Variants in ACTL6B observed in about 807,000 individuals in gnomAD.
The protein encoded by ACTL6B is actin-like protein 6B.
ACTL6B carries 48 observed loss-of-function variants against 63.3 expected under a neutral mutation model. The observed-to-expected ratio is 0.76, with a 90% CI of 0.60 to 0.96. ACTL6B has a LOEUF of 0.96. ACTL6B is among the 50% of genes least tolerant of loss of function. The pLI is 0.00. For missense variants in ACTL6B, 350 were observed against 572.2 expected (o/e 0.61, Z 3.96); for synonymous variants, 230 against 223.8 (o/e 1.03, Z -0.25).
chr7:100,651,390 A>T (rs1177573052), intron 4 of ACTL6B, among the ~76,000 whole-genome samples: 2 of 151,948 alleles, frequency 1.3e-5, no homozygotes, highest in Non-Finnish European at 2.9e-5. Context: ...GTCTCTACTA[A>T]AAATACAAAA....
chr7:100,656,226 GCTC>G, intron 1 of ACTL6B, 101 bp downstream of exon 1: 1 of 1,277,128 alleles, frequency 7.8e-7, no homozygotes, highest in Non-Finnish European at 1.0e-6. Flanking sequence ...GACTCGACCC[GCTC>G]GTGCGCGGAG....
chr7:100,649,722 G>C (rs1803897429), intron 5 of ACTL6B, among the ~76,000 whole-genome samples: 1 of 152,220 alleles, frequency 6.6e-6, no homozygotes, highest in African/African-American at 2.4e-5. Context: ...AGGAGTTCTT[G>C]GGAAGGGACT....
intron 13 of ACTL6B, among the ~76,000 whole-genome samples, chr7:100,644,142 C>T (rs902114160): frequency 2.6e-5 from 4 of 152,130 alleles, no homozygotes; most frequent in Non-Finnish European, 4.4e-5. Context: ...TCAGATGATC[C>T]GCCCGCCTCG....
At position 100,648,184 on chromosome 7, in the gene ACTL6B, T is replaced by G; in HGVS notation, c.669+372A>C. On this transcript the variant is annotated intron_variant, in intron 7 of 13. Coordinates refer to ENST00000160382, the MANE Select transcript of ACTL6B (RefSeq NM_016188.5). The surrounding 1 kb of genome is among the most constrained non-coding windows in gnomAD (Gnocchi z 4.4). ...CATGTTGCCCAGGCTGGTCTCGAAG[T>G]GAGCTCAAAGCGATCTGCCTGCCTC... 6.0e-6 allele frequency: 1 copy of G among 167,526 alleles called. No homozygotes were observed. Among genetic ancestry groups the G allele is most frequent in the South Asian group, 1.7e-4 (1 of 6,036 alleles). The allele number at this position is 167,526 out of a possible 1,614,324, so 10.4% of individuals were successfully genotyped here.
At position 100,647,421 on chromosome 7, in the gene ACTL6B, G is replaced by T. The variant is rs1410968807; in HGVS notation, c.759+23C>A. 2 of 1,608,014 alleles carry T rather than the reference G, an allele frequency of 1.2e-6. No homozygotes were observed. Among genetic ancestry groups the T allele is most frequent in the Admixed American group, 3.3e-5 (2 of 59,900 alleles). On this transcript the variant is annotated intron_variant, in intron 8 of 13. Transcript: ENST00000160382. The surrounding 1 kb of genome is among the most constrained non-coding windows in gnomAD (Gnocchi z 4.4). ...TTCATGGCAGGGGAGGGGGGTTTCAGGTGGCCCTCTCCAGAGGCTCACATT... is the reference window on the plus strand; with the variant it reads ...TTCATGGCAGGGGAGGGGGGTTTCATGTGGCCCTCTCCAGAGGCTCACATT...
Position 100,655,547 on chromosome 7 carries a change from C to T in ACTL6B, c.142G>A (p.Glu48Lys), listed in dbSNP as rs1324179227. 1.2e-6 allele frequency: 2 copies of T among 1,613,874 alleles called. No individual in the cohort carries two copies. The highest frequency in any genetic ancestry group is 1.7e-6 in the Non-Finnish European group (2 of 1,179,834). Reference sequence around the variant, plus strand: ...CCCTCCAGCTCCAGCCCGCCCCCCTCCTCCGCGGCCAGCAGCCCCACTGTG... The same window carrying T: ...CCCTCCAGCTCCAGCCCGCCCCCCTTCTCCGCGGCCAGCAGCCCCACTGTG... ...PTTVGLLAAEEGGGLELEGDK... is the reference protein window; with the variant it reads ...PTTVGLLAAEKGGGLELEGDK... The change falls in exon 3 of 14, where the codon GAG (glutamate) becomes AAG (lysine). Residue 48 changes from glutamate to lysine, a missense_variant. Transcript: ENST00000160382. The surrounding 1 kb of genome is among the most constrained non-coding windows in gnomAD (Gnocchi z 4.4).
intron 4 of ACTL6B, among the ~76,000 whole-genome samples, chr7:100,651,050 C>T (rs922975678): frequency 1.2e-4 from 18 of 152,132 alleles, no homozygotes; most frequent in African/African-American, 3.4e-4. Flanking sequence ...GAAAGAAAAA[C>T]ATTACATCAG....
At chr7:100,644,932 T>C (rs749840314) in intron 13 of ACTL6B, among the ~76,000 whole-genome samples, 7 of 152,094 alleles carry the variant, frequency 4.6e-5, no homozygotes, top group Non-Finnish European at 1.0e-4. Context: ...GGCTCACGCA[T>C]GTAATCCCAG....
rs766210119 is a variant in ACTL6B, at chr7:100,646,939, C to G, written c.936+32G>C. The G allele has an allele frequency of 1.2e-6, 2 of 1,608,356 alleles. No individual in the cohort carries two copies. Among genetic ancestry groups the G allele is most frequent in the African/African-American group, 1.3e-5 (1 of 74,720 alleles). ...CCCAGGATCCAGGGACTGCAGCCAG[C>G]ACCCACCCCAGTCCTCGCCACACAG... On this transcript the variant is annotated intron_variant, in intron 10 of 13. Coordinates refer to ENST00000160382, the MANE Select transcript of ACTL6B (RefSeq NM_016188.5). The surrounding 1 kb of genome is among the most constrained non-coding windows in gnomAD (Gnocchi z 6.1).
In ACTL6B at chr7:100,646,510, G is replaced by A; in HGVS notation, c.1113+41C>T. On this transcript the variant is annotated intron_variant, in intron 12 of 13. Transcript: ENST00000160382. The surrounding 1 kb of genome is among the most constrained non-coding windows in gnomAD (Gnocchi z 6.1). ...GACTCAGTCCTGGACAGCTGAGCCA[G>A]GACGGGTGTCCAGGGCTCTGGGTCA... is the stretch of plus-strand genomic sequence containing the variant. 6.2e-7 allele frequency: 1 copy of A among 1,602,714 alleles called. No individual in the cohort carries two copies. The highest frequency in any genetic ancestry group is 1.3e-5 in the African/African-American group (1 of 74,756).
At chr7:100,645,014 C>T (rs1220602996) in intron 13 of ACTL6B, among the ~76,000 whole-genome samples, 1 of 152,070 alleles carries the variant, frequency 6.6e-6, no homozygotes, top group African/African-American at 2.4e-5. Flanking sequence ...CAAGATTGCT[C>T]CACTGCACTC....
At chr7:100,644,923 G>A (rs918969327) in intron 13 of ACTL6B, among the ~76,000 whole-genome samples, 20 of 152,226 alleles carry the variant, frequency 1.3e-4, no homozygotes, top group African/African-American at 3.9e-4. Flanking sequence ...AGGCGTGGTG[G>A]CTCACGCATG....
Position 100,647,323 on chromosome 7 carries a change from C to G in ACTL6B, c.760-39G>C. ...GGAGGTGGTGAGGGCCTGCCTTCCC[C>G]GTGAGCAGCACCCCCTGCCCCGCTC... On this transcript the variant is annotated intron_variant, in intron 8 of 13. Transcript: ENST00000160382. This position sits in a 1 kb window ranked among gnomAD's most constrained non-coding sequence, Gnocchi z 4.4. 1 of 1,611,150 alleles carries G rather than the reference C, an allele frequency of 6.2e-7. No individual in the cohort carries two copies. The highest frequency in any genetic ancestry group is 2.2e-5 in the East Asian group (1 of 44,842).
Position 100,647,859 on chromosome 7 carries a change from A to G in ACTL6B, c.670-326T>C, listed in dbSNP as rs1169635852. 2.0e-5 allele frequency: 6 copies of G among 303,020 alleles called. No homozygotes were observed. Among genetic ancestry groups the G allele is most frequent in the Non-Finnish European group, 3.7e-5 (6 of 163,564 alleles). The allele number at this position is 303,020 out of a possible 1,614,324, so 18.8% of individuals were successfully genotyped here. On this transcript the variant is annotated intron_variant, in intron 7 of 13. Coordinates refer to ENST00000160382, the MANE Select transcript of ACTL6B (RefSeq NM_016188.5). The surrounding 1 kb of genome is among the most constrained non-coding windows in gnomAD (Gnocchi z 4.4). ...GGAGCTAAGCACACAGTGTCACTTCATACTCACAGCACCCTGGCTACTGCC... is the reference window on the plus strand; with the variant it reads ...GGAGCTAAGCACACAGTGTCACTTCGTACTCACAGCACCCTGGCTACTGCC...
Position 100,648,756 on chromosome 7 carries a change from C to T in ACTL6B, c.535G>A (p.Val179Ile). ...TGCTGCAGAACGTAGCCGTCATGTACTGGAATGGCCGTGGTGTGGGTGGCT... is the reference window on the plus strand; with the variant it reads ...TGCTGCAGAACGTAGCCGTCATGTATTGGAATGGCCGTGGTGTGGGTGGCT... ...SGATHTTAIP[V>I]HDGYVLQQGI... The change falls in exon 6 of 14, where the codon GTA becomes ATA. Residue 179 changes from valine (V) to isoleucine (I), a missense_variant. Val to Ile is a conservative substitution (Grantham distance 29, BLOSUM62 3). Transcript: ENST00000160382. This position sits in a 1 kb window ranked among gnomAD's most constrained non-coding sequence, Gnocchi z 4.4. The T allele has an allele frequency of 6.2e-7, 1 of 1,614,126 alleles. No homozygotes were observed. The highest frequency in any genetic ancestry group is 8.5e-7 in the Non-Finnish European group (1 of 1,180,016).
intron 4 of ACTL6B, among the ~76,000 whole-genome samples, chr7:100,652,562 T>C (rs1803961055): frequency 7.1e-6 from 1 of 140,782 alleles, no homozygotes; most frequent in African/African-American, 2.7e-5. Context: ...CACTCCAGCC[T>C]GGGCAACAGA....
At chr7:100,643,354 A>C (rs764669408) in intron 13 of ACTL6B, 28 bp from the exon 14 acceptor site, 2 of 1,612,018 alleles carry the variant, frequency 1.2e-6, no homozygotes, top group East Asian at 4.5e-5. Flanking sequence ...TATCAGGGTC[A>C]GGGTGGCCTT....
chr7:100,652,468 G>A (rs895813640), intron 4 of ACTL6B, among the ~76,000 whole-genome samples: 4 of 149,314 alleles, frequency 2.7e-5, no homozygotes, highest in African/African-American at 9.9e-5. Context: ...GTGGTGGTGG[G>A]CACCTGTAGT....
chr7:100,643,305 T>A lies in ACTL6B; in HGVS notation c.1222A>T (p.Ile408Phe), dbSNP rs559069122. ...ASLGTFQQMWISKQEYEEGGK... is the reference protein window; with the variant it reads ...ASLGTFQQMWFSKQEYEEGGK... Reference sequence around the variant, plus strand: ...CCCTCCTCATATTCCTGCTTGGAGATCCACATCTGCTGGAAAGTGCCCTGG... The same window carrying A: ...CCCTCCTCATATTCCTGCTTGGAGAACCACATCTGCTGGAAAGTGCCCTGG... Residue 408 changes from isoleucine to phenylalanine, a missense_variant, in exon 14 of 14, where the codon ATC (isoleucine) becomes TTC (phenylalanine). This residue lies in a region of ACTL6B where 76 missense variants were observed against 126.1 expected (regional missense o/e 0.60). Coordinates refer to ENST00000160382, the MANE Select transcript of ACTL6B (RefSeq NM_016188.5). 6.2e-7 allele frequency: 1 copy of A among 1,613,782 alleles called. No homozygotes were observed. The highest frequency in any genetic ancestry group is 1.3e-5 in the African/African-American group (1 of 74,956).
Sources: allele counts gnomAD v4.1 joint callset (sites outside exome capture counted in the v4.1 genomes callset), GRCh38; gene constraint gnomAD v4.1.1; regional missense constraint gnomAD v4.1.1; non-coding constraint Gnocchi (gnomAD v3.1); transcripts MANE v1.5; gene names NCBI Gene and HGNC (gene_info 2026-07-23, HGNC 2026-07-21).